ZCCHC14: variants seen among roughly 807,000 people sequenced by gnomAD.
ZCCHC14 encodes zinc finger CCHC-type containing 14, also known as zinc finger CCHC domain-containing protein 14.
Under a neutral mutation model 85.0 loss-of-function variants are expected in ZCCHC14, and 16 were observed. That is an observed-to-expected ratio of 0.19 (90% confidence interval 0.13 to 0.29). The LOEUF is 0.29. Ranked by LOEUF, ZCCHC14 falls within the 10% of genes least tolerant of loss-of-function variation. The probability of loss-of-function intolerance (pLI) is 1.00; values close to 1 mark genes in which losing one functional copy is unlikely to be tolerated. For missense variants in ZCCHC14, 1,303 were observed against 1,443.5 expected (o/e 0.90, Z 1.58); for synonymous variants, 775 against 630.7 (o/e 1.23, Z -3.43).
intron 3 of ZCCHC14, among the ~76,000 whole-genome samples, chr16:87,427,561 G>C (rs1909437248): frequency 1.3e-5 from 2 of 152,156 alleles, no homozygotes; most frequent in Non-Finnish European, 2.9e-5. Flanking sequence ...AACTTTGAAA[G>C]AAAAGATAAC....
rs762016158 is a variant in ZCCHC14, at chr16:87,410,328, A to T, written c.3213T>A (p.Phe1071Leu). 1 of 776,244 alleles carries T rather than the reference A, an allele frequency of 1.3e-6. No individual in the cohort carries two copies. Among genetic ancestry groups the T allele is most frequent in the South Asian group, 1.4e-5 (1 of 73,542 alleles). The allele number at this position is 776,244 out of a possible 1,614,324, so 48.1% of individuals were successfully genotyped here. Residue 1071 changes from phenylalanine (F) to leucine (L), a missense_variant, in exon 13 of 13, where the codon TTT becomes TTA. Transcript: ENST00000671377. Reference protein sequence around the residue: ...PSMDFNRPGTFRLKYAPPAES... With the variant: ...PSMDFNRPGTLRLKYAPPAES... ...CTGCTGGAGGGGCGTATTTCAACCT[A>T]AAAGTACCTAGAGAGAGGGGAAAAA...
At position 87,406,574 on chromosome 16, in the gene ZCCHC14, C is replaced by G. The variant is rs1179479461; in HGVS notation, c.*3706G>C. ...ATCGAGTACACAAGGTGTCCAGTTT[C>G]AGTACCAAAGCCTTCTCTTTTTGTG... is the stretch of plus-strand genomic sequence containing the variant. On this transcript the variant is annotated 3_prime_UTR_variant, in exon 13 of 13. Coordinates refer to ENST00000671377, the MANE Select transcript of ZCCHC14 (RefSeq NM_015144.3). 6.6e-6 allele frequency: 1 copy of G among 152,458 alleles called. No homozygotes were observed. Among genetic ancestry groups the G allele is most frequent in the Non-Finnish European group, 1.5e-5 (1 of 68,038 alleles). 9.4% of individuals were successfully genotyped at this position (152,458 alleles called of 1,614,324 possible).
At chr16:87,448,449 T>C (rs1242955827) in intron 2 of ZCCHC14, among the ~76,000 whole-genome samples, 2 of 152,192 alleles carry the variant, frequency 1.3e-5, no homozygotes, top group Admixed American at 6.5e-5. Flanking sequence ...GTCTGCCCTT[T>C]CGTGTGAAGA....
At chr16:87,450,132 C>A (rs567812793) in intron 2 of ZCCHC14, among the ~76,000 whole-genome samples, 1 of 152,344 alleles carries the variant, frequency 6.6e-6, no homozygotes, top group South Asian at 2.1e-4. Context: ...AATGTCTTCA[C>A]ACTTGAACTA....
intron 1 of ZCCHC14, chr16:87,467,199 T>C (rs1911564333): frequency 1.6e-5 from 24 of 1,479,728 alleles, no homozygotes; most frequent in Non-Finnish European, 2.2e-5. Context: ...AGACTATTCT[T>C]CCTTTTAAAA....
intron 1 of ZCCHC14, among the ~76,000 whole-genome samples, chr16:87,490,732 T>C (rs192612470): frequency 4.7e-4 from 72 of 152,288 alleles, no homozygotes; most frequent in African/African-American, 1.7e-3. Flanking sequence ...TGGGAGTCTT[T>C]TTCTGTCTGT....
intron 2 of ZCCHC14, among the ~76,000 whole-genome samples, chr16:87,433,572 A>G (rs377515360): frequency 6.6e-5 from 10 of 152,338 alleles, no homozygotes; most frequent in African/African-American, 2.4e-4. Context: ...CCAACTTCTG[A>G]AAAGGTAATG....
At chr16:87,450,163 C>T (rs1160418354) in intron 2 of ZCCHC14, among the ~76,000 whole-genome samples, 1 of 152,214 alleles carries the variant, frequency 6.6e-6, no homozygotes, top group Non-Finnish European at 1.5e-5. Flanking sequence ...CACGATCACA[C>T]CGTAGATACT....
chr16:87,481,422 A>G (rs1052629502), intron 1 of ZCCHC14, among the ~76,000 whole-genome samples: 14 of 151,570 alleles, frequency 9.2e-5, no homozygotes, highest in Non-Finnish European at 1.9e-4. Context: ...AGACTATTCT[A>G]ATCTCCATCC....
intron 3 of ZCCHC14, among the ~76,000 whole-genome samples, chr16:87,425,006 C>A (rs1346550972): frequency 6.6e-6 from 1 of 151,220 alleles, no homozygotes; most frequent in Non-Finnish European, 1.5e-5. Flanking sequence ...CCCTCACCCA[C>A]ACCCACACCC....
chr16:87,417,886 A>G (rs1908878610), intron 7 of ZCCHC14, 144 bp from the exon 8 acceptor site: 2 of 987,274 alleles, frequency 2.0e-6, no homozygotes, highest in African/African-American at 3.3e-5. Context: ...TGAACTGCCA[A>G]CACTGCTGTG....
intron 2 of ZCCHC14, among the ~76,000 whole-genome samples, chr16:87,452,454 G>A (rs922936535): frequency 1.3e-5 from 2 of 152,174 alleles, no homozygotes; most frequent in East Asian, 3.9e-4. Context: ...GAGGGATAGT[G>A]GCTGCAGAAC....
intron 1 of ZCCHC14, among the ~76,000 whole-genome samples, chr16:87,480,937 G>C (rs1322997923): frequency 6.6e-6 from 1 of 152,214 alleles, no homozygotes; most frequent in African/African-American, 2.4e-5. Context: ...ACAGAGAGAG[G>C]TGTGTACGGA....
chr16:87,421,840 T>C (rs1265855501), intron 4 of ZCCHC14, among the ~76,000 whole-genome samples: 1 of 152,030 alleles, frequency 6.6e-6, no homozygotes, highest in Non-Finnish European at 1.5e-5. Flanking sequence ...AGAAGAGGTG[T>C]TGACCCTTTC....
chr16:87,458,501 G>C (rs1318805158), intron 2 of ZCCHC14, among the ~76,000 whole-genome samples: 2 of 152,204 alleles, frequency 1.3e-5, no homozygotes, highest in Non-Finnish European at 2.9e-5. Flanking sequence ...TCGCAGGGCT[G>C]CAGTAAGGAG....
Position 87,492,125 on chromosome 16 carries a change from C to T in ZCCHC14, c.114G>A (p.Pro38=). ...FLCGLLDLCI[P]LELRFLGSCL... The stretch of plus-strand genomic sequence containing the variant: ...ACGAGCCGAGGAAGCGAAGCTCGAG[C>T]GGGATGCACAGGTCCAGCAGGCCGC... The change falls in exon 1 of 13, where the codon CCG becomes CCA. Residue 38 remains proline, a synonymous_variant. Transcript: ENST00000671377. The surrounding 1 kb of genome is among the most constrained non-coding windows in gnomAD (Gnocchi z 6.7). 1.5e-6 allele frequency: 2 copies of T among 1,348,424 alleles called. No homozygotes were observed. The highest frequency in any genetic ancestry group is 1.9e-6 in the Non-Finnish European group (2 of 1,054,842). 83.5% of individuals were successfully genotyped at this position (1,348,424 alleles called of 1,614,324 possible).
At chr16:87,474,059 T>G (rs942738586) in intron 1 of ZCCHC14, 1 of 152,146 alleles carries the variant, frequency 6.6e-6, no homozygotes, top group Non-Finnish European at 1.5e-5. Flanking sequence ...ACAGAAGACA[T>G]TTAGGCCAAA....
Position 87,492,609 on chromosome 16 carries a change from C to A in ZCCHC14, c.-371G>T. 2 of 145,072 alleles carry A rather than the reference C, an allele frequency of 1.4e-5. No individual in the cohort carries two copies. Among genetic ancestry groups the A allele is most frequent in the South Asian group, 3.9e-4 (2 of 5,192 alleles). 9.0% of individuals were successfully genotyped at this position (145,072 alleles called of 1,614,324 possible). ...GGCGGCGGCTGCTCCTCGTCGTCGT[C>A]GTCGTCGTCGCCCGGGAGGCGGCCG... is the stretch of plus-strand genomic sequence containing the variant. On this transcript the variant is annotated 5_prime_UTR_variant, in exon 1 of 13. Transcript: ENST00000671377. This position sits in a 1 kb window ranked among gnomAD's most constrained non-coding sequence, Gnocchi z 6.7.
rs573155905 is a variant in ZCCHC14 at position 87,477,421 on chromosome 16, C to T, written c.570+14248G>A. ...CACATGGGGCAGCCCCGGGCATCAGCAGAGCTGGCAGAAGCCGGGGATGAG... is the reference window on the plus strand; with the variant it reads ...CACATGGGGCAGCCCCGGGCATCAGTAGAGCTGGCAGAAGCCGGGGATGAG... On this transcript the variant is annotated intron_variant, in intron 1 of 12. Coordinates refer to ENST00000671377, the MANE Select transcript of ZCCHC14 (RefSeq NM_015144.3). Among the ~76,000 whole-genome samples the T allele has an allele frequency of 8.9e-4, 136 of 152,308 alleles. 1 individual carries two copies. The highest frequency in any genetic ancestry group is 1.6e-3 in the Non-Finnish European group (106 of 68,024).
Sources: gnomAD v4.1 joint callset for allele counts (sites outside exome capture counted in the v4.1 genomes callset) on GRCh38, gnomAD v4.1.1 for gene constraint, Gnocchi (gnomAD v3.1) non-coding constraint, MANE v1.5 for transcripts, NCBI Gene and HGNC (gene_info 2026-07-23, HGNC 2026-07-21) for gene names.